RBFOX3: variants seen among roughly 807,000 people sequenced by gnomAD.
RBFOX3 encodes the protein RNA binding protein fox-1 homolog 3.
A neutral mutation model predicts 48.7 loss-of-function variants in RBFOX3; 17 were observed. The observed-to-expected ratio is 0.35, with a 90% confidence interval of 0.24 to 0.52. RBFOX3 has a LOEUF of 0.52. Ranked by LOEUF, RBFOX3 falls within the 20% of genes least tolerant of loss-of-function variation. The pLI, the probability that RBFOX3 is intolerant of heterozygous loss-of-function variation, is 0.94. For synonymous variants in RBFOX3, 212 were observed against 209.5 expected (o/e 1.01, Z -0.10); for missense variants, 382 against 497.5 (o/e 0.77, Z 2.21).
Position 79,173,219 on chromosome 17 carries a change from A to AATACATACATACATACATACATACATAC in RBFOX3, c.-33-57472_-33-57471insGTATGTATGTATGTATGTATGTATGTAT, listed in dbSNP as rs60584351. ...AACGAGACTGTCAAATAAATAAATA[A>AATACATACATACATACATACATACATAC]ATACATACATACATACATACGTACA... On this transcript the variant is annotated intron_variant, in intron 4 of 14. Transcript: ENST00000693108. Among the ~76,000 whole-genome samples the AATACATACATACATACATACATACATAC allele has an allele frequency of 2.6e-3, 389 of 150,702 alleles. 3 individuals are homozygous for AATACATACATACATACATACATACATAC. Among genetic ancestry groups the AATACATACATACATACATACATACATAC allele is most frequent in the African/African-American group, 8.7e-3 (354 of 40,636 alleles).
rs1000539150 is a variant in RBFOX3, at chr17:79,482,743, G to A, written c.-319-145C>T. On this transcript the variant is annotated intron_variant, in intron 1 of 14. Coordinates refer to ENST00000693108, the MANE Select transcript of RBFOX3 (RefSeq NM_001350451.2). This position sits in a 1 kb window ranked among gnomAD's most constrained non-coding sequence, Gnocchi z 4.1. ...TGCCACCAGGGATCGAGGGATTGAG[G>A]GATCAGCACCCTCCAAAGGGCACTT... The A allele has an allele frequency of 1.3e-5, 2 of 152,120 alleles. No individual in the cohort carries two copies. The highest frequency in any genetic ancestry group is 1.5e-5 in the Non-Finnish European group (1 of 68,018). 9.4% of individuals were successfully genotyped at this position (152,120 alleles called of 1,614,324 possible).
At chr17:79,359,247 G>A (rs1165705824) in intron 2 of RBFOX3, among the ~76,000 whole-genome samples, 1 of 152,166 alleles carries the variant, frequency 6.6e-6, no homozygotes, top group African/African-American at 2.4e-5. Context: ...CCCTCCCCAG[G>A]GCTGCCAGTG....
intron 4 of RBFOX3, among the ~76,000 whole-genome samples, chr17:79,131,004 G>A (rs1218565663): frequency 2.0e-5 from 3 of 152,184 alleles, no homozygotes; most frequent in African/African-American, 4.8e-5. Flanking sequence ...TGTGTGCCCC[G>A]TGTGTGAGCA....
At chr17:79,174,674 C>T (rs757338643) in intron 4 of RBFOX3, among the ~76,000 whole-genome samples, 3 of 152,098 alleles carry the variant, frequency 2.0e-5, no homozygotes, top group South Asian at 2.1e-4. Context: ...ACCACTCACA[C>T]ACAATGCACA....
chr17:79,622,338 G>A, the RBFOX3 span, among the ~76,000 whole-genome samples: 1 of 152,046 alleles, frequency 6.6e-6, no homozygotes, highest in South Asian at 2.1e-4. Flanking sequence ...ACGGGGAGTG[G>A]CAGCCCCGTA....
intron 2 of RBFOX3, among the ~76,000 whole-genome samples, chr17:79,400,463 C>A (rs954973569): frequency 1.3e-5 from 2 of 152,200 alleles, no homozygotes; most frequent in Non-Finnish European, 2.9e-5. Context: ...ACCCTAGTGA[C>A]CTCATCTTTA....
chr17:79,299,749 A>C lies in RBFOX3; in HGVS notation c.-74+7975T>G, dbSNP rs1295753808. Among the ~76,000 whole-genome samples the C allele has an allele frequency of 6.6e-6, 1 of 152,144 alleles. No individual in the cohort carries two copies. The highest frequency in any genetic ancestry group is 1.5e-5 in the Non-Finnish European group (1 of 68,018). On this transcript the variant is annotated intron_variant, in intron 3 of 14. Transcript: ENST00000693108. The surrounding 1 kb of genome is among the most constrained non-coding windows in gnomAD (Gnocchi z 4.5). ...CAAAGTGACTGTTCTCCTGAAGAGG[A>C]GATTAGGACAGACGCAAACAGAGGG...
Position 79,299,188 on chromosome 17 carries a change from G to C in RBFOX3, c.-74+8536C>G, listed in dbSNP as rs2074915311. On this transcript the variant is annotated intron_variant, in intron 3 of 14. Transcript: ENST00000693108. This position sits in a 1 kb window ranked among gnomAD's most constrained non-coding sequence, Gnocchi z 4.5. Reference sequence around the variant, plus strand: ...AGGCCAGAGAGGGTGGGATGTGAGGGCGGGTCCCATTCCTGAAAGTAAACC... The same window carrying C: ...AGGCCAGAGAGGGTGGGATGTGAGGCCGGGTCCCATTCCTGAAAGTAAACC... Among the ~76,000 whole-genome samples, 1 of 151,526 alleles carries C rather than the reference G, an allele frequency of 6.6e-6. No individual in the cohort carries two copies.
At chr17:79,496,077 T>G in intron 1 of RBFOX3, among the ~76,000 whole-genome samples, 1 of 151,978 alleles carries the variant, frequency 6.6e-6, no homozygotes, top group East Asian at 1.9e-4. Flanking sequence ...AATAGAATGC[T>G]GAACTTTTGG....
chr17:79,170,361 C>T (rs1156236350), intron 4 of RBFOX3, among the ~76,000 whole-genome samples: 1 of 152,086 alleles, frequency 6.6e-6, no homozygotes, highest in Non-Finnish European at 1.5e-5. Context: ...GGAGTTGGAC[C>T]TGAGAGTCCC....
chr17:79,499,544 G>C (rs1305858036), intron 1 of RBFOX3, among the ~76,000 whole-genome samples: 1 of 152,246 alleles, frequency 6.6e-6, no homozygotes, highest in Non-Finnish European at 1.5e-5. Context: ...GGCAGGGTTT[G>C]GAGGTCAGTA....
At chr17:79,141,136 A>C (rs1201232844) in intron 4 of RBFOX3, among the ~76,000 whole-genome samples, 1 of 152,234 alleles carries the variant, frequency 6.6e-6, no homozygotes, top group Non-Finnish European at 1.5e-5. Context: ...CTGTCGATAC[A>C]GGCAGAACGG....
the RBFOX3 span, among the ~76,000 whole-genome samples, chr17:79,621,241 C>T: frequency 7.9e-5 from 12 of 152,198 alleles, no homozygotes; most frequent in Admixed American, 2.6e-4. Context: ...TCAGGTGATC[C>T]GCCCGCCTCG....
rs940833313 is a variant in RBFOX3, at chr17:79,111,006, G to A, written c.223-4218C>T. ...AAGAACACAGTGACCAAGGGCTGCA[G>A]CTCCTGGCTGAGGGGAGAGGGCCTT... On this transcript the variant is annotated intron_variant, in intron 5 of 14. Coordinates refer to ENST00000693108, the MANE Select transcript of RBFOX3 (RefSeq NM_001350451.2). This position sits in a 1 kb window ranked among gnomAD's most constrained non-coding sequence, Gnocchi z 4.2. Among the ~76,000 whole-genome samples, 28 of 152,386 alleles carry A rather than the reference G, an allele frequency of 1.8e-4. No homozygotes were observed. Among genetic ancestry groups the A allele is most frequent in the Admixed American group, 6.5e-5 (1 of 15,310 alleles).
Position 79,111,506 on chromosome 17 carries a change from G to A in RBFOX3, c.222+3988C>T, listed in dbSNP as rs2031492952. Among the ~76,000 whole-genome samples the A allele has an allele frequency of 6.6e-6, 1 of 152,214 alleles. No homozygotes were observed. The highest frequency in any genetic ancestry group is 1.5e-5 in the Non-Finnish European group (1 of 68,042). On this transcript the variant is annotated intron_variant, in intron 5 of 14. Coordinates refer to ENST00000693108, the MANE Select transcript of RBFOX3 (RefSeq NM_001350451.2). This position sits in a 1 kb window ranked among gnomAD's most constrained non-coding sequence, Gnocchi z 4.2. ...GCTGGAGTGCAGCGGCGTGATCTCA[G>A]CTCACTGCAACCTCCACCTCCTGGG...
At chr17:79,609,253 A>T (rs1022868110) in intron 1 of RBFOX3, among the ~76,000 whole-genome samples, 2 of 151,948 alleles carry the variant, frequency 1.3e-5, no homozygotes, top group Non-Finnish European at 2.9e-5. Flanking sequence ...GAAAGACCTC[A>T]TTACGGGCGA....
chr17:79,662,983 T>C, the RBFOX3 span, among the ~76,000 whole-genome samples: 1 of 152,158 alleles, frequency 6.6e-6, no homozygotes, highest in East Asian at 1.9e-4. Context: ...ACGTCGCTGT[T>C]TAAGTCATCA....
chr17:79,331,899 CT>C (rs1469004496), intron 2 of RBFOX3, among the ~76,000 whole-genome samples: 2 of 152,236 alleles, frequency 1.3e-5, no homozygotes, highest in Non-Finnish European at 2.9e-5. Context: ...GTGTGAAGCC[CT>C]CCTGTGCGGC....
At chr17:79,377,810 G>C (rs552675064) in intron 2 of RBFOX3, among the ~76,000 whole-genome samples, 8 of 152,182 alleles carry the variant, frequency 5.3e-5, no homozygotes, top group African/African-American at 4.8e-5. Flanking sequence ...CGCTGCCCTG[G>C]TGGAGGGCAG....
Sources: gnomAD v4.1 joint callset for allele counts (sites outside exome capture counted in the v4.1 genomes callset) on GRCh38, gnomAD v4.1.1 for gene constraint, Gnocchi (gnomAD v3.1) non-coding constraint, MANE v1.5 for transcripts, NCBI Gene and HGNC (gene_info 2026-07-23, HGNC 2026-07-21) for gene names.